BORCS5: variants seen among roughly 807,000 people sequenced by gnomAD.
BORCS5 encodes BLOC-1-related complex subunit 5.
BORCS5 carries 17 observed loss-of-function variants against 22.1 expected under a neutral mutation model. The observed-to-expected ratio is 0.77, with a 90% CI of 0.53 to 1.15. BORCS5 has a LOEUF of 1.15. Among genes scored for constraint, BORCS5 ranks in the 50% most tolerant of loss-of-function variants. The pLI is 0.00. For synonymous variants in BORCS5, 117 were observed against 99.8 expected, an observed-to-expected ratio of 1.17 and a Z score of -1.03; for missense variants, 247 against 253.2, an observed-to-expected ratio of 0.98 and a Z score of 0.17.
At chr12:12,360,863 G>A (rs1220465224) in intron 1 of BORCS5, among the ~76,000 whole-genome samples, 5 of 152,100 alleles carry the variant, frequency 3.3e-5, no homozygotes, top group Non-Finnish European at 7.4e-5. Context: ...TGGGATTACA[G>A]GCACCCGCCA....
At chr12:12,458,106 A>G (rs765556751) in intron 3 of BORCS5, among the ~76,000 whole-genome samples, 3 of 152,198 alleles carry the variant, frequency 2.0e-5, no homozygotes, top group Non-Finnish European at 4.4e-5. Flanking sequence ...TCTGGGTAAC[A>G]TCTGCCTACT....
At chr12:12,444,467 G>C (rs567995325) in intron 3 of BORCS5, among the ~76,000 whole-genome samples, 17 of 152,326 alleles carry the variant, frequency 1.1e-4, no homozygotes, top group African/African-American at 3.8e-4. Flanking sequence ...AGCACAGTTA[G>C]GAGGTTCTTA....
intron 2 of BORCS5, among the ~76,000 whole-genome samples, chr12:12,362,772 C>G (rs1412470336): frequency 6.7e-6 from 1 of 149,430 alleles, no homozygotes; most frequent in South Asian, 2.1e-4. Context: ...CCTGAAGTAG[C>G]TGTGATTACA....
chr12:12,381,396 C>T lies in BORCS5; in HGVS notation c.202+20047C>T, dbSNP rs114380484. 2.4e-3 allele frequency among the ~76,000 whole-genome samples: 357 copies of T among 151,362 alleles called. 5 individuals are homozygous for T. The highest frequency in any genetic ancestry group is 8.3e-3 in the African/African-American group (343 of 41,220). On this transcript the variant is annotated intron_variant, in intron 2 of 3. Coordinates refer to ENST00000314565, the MANE Select transcript of BORCS5 (RefSeq NM_058169.6). ...TGTGTGTTGTGTAAAGGTCTAAGTTCATTTTGCTTTGTTTGTTTGCTTGTG... is the reference window on the plus strand; with the variant it reads ...TGTGTGTTGTGTAAAGGTCTAAGTTTATTTTGCTTTGTTTGTTTGCTTGTG...
intron 2 of BORCS5, among the ~76,000 whole-genome samples, chr12:12,432,455 G>T (rs1478533622): frequency 6.6e-6 from 1 of 152,186 alleles, no homozygotes; most frequent in Non-Finnish European, 1.5e-5. Context: ...GGCACTCTGG[G>T]AAACTGACAG....
At chr12:12,417,279 C>T (rs1017317005) in intron 2 of BORCS5, among the ~76,000 whole-genome samples, 2 of 151,878 alleles carry the variant, frequency 1.3e-5, no homozygotes, top group Admixed American at 1.3e-4. Flanking sequence ...TCCAGTTTTT[C>T]TTCTGTTGTA....
At chr12:12,369,189 G>A (rs1863468459) in intron 2 of BORCS5, among the ~76,000 whole-genome samples, 1 of 152,080 alleles carries the variant, frequency 6.6e-6, no homozygotes, top group African/African-American at 2.4e-5. Flanking sequence ...CTACCTATGT[G>A]TTATTACCCC....
At chr12:12,414,495 C>T (rs1448021430) in intron 2 of BORCS5, among the ~76,000 whole-genome samples, 3 of 80,902 alleles carry the variant, frequency 3.7e-5, no homozygotes, top group Non-Finnish European at 7.9e-5. Context: ...CCTCACTTCC[C>T]AGTAGGGGCG....
At chr12:12,447,725 G>C (rs981904338) in intron 3 of BORCS5, among the ~76,000 whole-genome samples, 1 of 152,180 alleles carries the variant, frequency 6.6e-6, no homozygotes, top group Non-Finnish European at 1.5e-5. Flanking sequence ...CATGGTTTGG[G>C]TGCATACACG....
At chr12:12,376,546 T>G (rs181280156) in intron 2 of BORCS5, among the ~76,000 whole-genome samples, 11 of 152,322 alleles carry the variant, frequency 7.2e-5, no homozygotes, top group African/African-American at 2.4e-4. Context: ...TCTTCAATCT[T>G]TTTTAATTGA....
At chr12:12,357,566 GC>G in intron 1 of BORCS5, 57 bp downstream of exon 1, 1 of 1,560,510 alleles carries the variant, frequency 6.4e-7, no homozygotes, top group Non-Finnish European at 8.8e-7. Flanking sequence ...TGCAGAGCGG[GC>G]TGCCTCCCAG....
At chr12:12,439,569 G>A (rs984826319) in intron 3 of BORCS5, among the ~76,000 whole-genome samples, 1 of 106,790 alleles carries the variant, frequency 9.4e-6, no homozygotes, top group Non-Finnish European at 2.0e-5. Flanking sequence ...CAGAGGTTGC[G>A]GTGAGCCGAG....
chr12:12,374,234 G>A (rs376477949), intron 2 of BORCS5, among the ~76,000 whole-genome samples: 78 of 151,612 alleles, frequency 5.1e-4, no homozygotes, highest in African/African-American at 1.6e-3. Context: ...CTCGTGATCC[G>A]CCCGCCTCAG....
chr12:12,408,849 T>C (rs1358113939), intron 2 of BORCS5, among the ~76,000 whole-genome samples: 2 of 152,348 alleles, frequency 1.3e-5, no homozygotes, highest in Admixed American at 6.5e-5. Context: ...TTGATGGAAA[T>C]TTGAATTGTT....
At chr12:12,411,348 A>G (rs1299199753) in intron 2 of BORCS5, among the ~76,000 whole-genome samples, 2 of 152,050 alleles carry the variant, frequency 1.3e-5, no homozygotes, top group Non-Finnish European at 2.9e-5. Flanking sequence ...TCCGTATCAC[A>G]TTGGTTCTTT....
At chr12:12,458,779 T>C (rs991496555) in intron 3 of BORCS5, among the ~76,000 whole-genome samples, 3 of 151,538 alleles carry the variant, frequency 2.0e-5, no homozygotes, top group Non-Finnish European at 2.9e-5. Context: ...GAGACTATCC[T>C]GGCTAACACG....
chr12:12,405,616 G>A (rs1235247683), intron 2 of BORCS5, among the ~76,000 whole-genome samples: 3 of 152,120 alleles, frequency 2.0e-5, no homozygotes, highest in Non-Finnish European at 1.5e-5. Context: ...CTGAGAGAGT[G>A]CCATCATTAA....
chr12:12,417,249 C>T (rs999468855), intron 2 of BORCS5, among the ~76,000 whole-genome samples: 2 of 152,062 alleles, frequency 1.3e-5, no homozygotes, highest in East Asian at 1.9e-4. Flanking sequence ...TGTTCTTTAC[C>T]GTCCACAAAT....
intron 2 of BORCS5, among the ~76,000 whole-genome samples, chr12:12,378,627 A>G (rs1041040979): frequency 6.6e-6 from 1 of 151,844 alleles, no homozygotes; most frequent in East Asian, 1.9e-4. Flanking sequence ...CTAAGGAGAC[A>G]TGCAGTGTGG....
Sources: gnomAD v4.1 joint callset for allele counts (sites outside exome capture counted in the v4.1 genomes callset) on GRCh38, gnomAD v4.1.1 for gene constraint, MANE v1.5 for transcripts, NCBI Gene and HGNC (gene_info 2026-07-23, HGNC 2026-07-21) for gene names.